Variants in LIMCH1 observed in about 807,000 individuals in gnomAD.
The protein encoded by LIMCH1 is LIM and calponin homology domains-containing protein 1.
LIMCH1 carries 113 observed loss-of-function variants against 176.5 expected under a neutral mutation model. The ratio of observed to expected loss-of-function variants is 0.64; its 90% CI spans 0.55 to 0.75. The LOEUF is 0.75. Ranked by LOEUF, LIMCH1 falls within the 30% of genes least tolerant of loss-of-function variation. The pLI, the probability that LIMCH1 is intolerant of heterozygous loss-of-function variation, is 0.00. For missense variants in LIMCH1, 1,674 were observed against 1,814.9 expected, an observed-to-expected ratio of 0.92 and a Z score of 1.41; for synonymous variants, 619 against 645.9, an observed-to-expected ratio of 0.96 and a Z score of 0.63.
In LIMCH1 at chr4:41,619,295, G is replaced by T; in HGVS notation, c.313G>T (p.Val105Leu). 3 of 1,614,238 alleles carry T rather than the reference G, an allele frequency of 1.9e-6. No individual in the cohort carries two copies. Among genetic ancestry groups the T allele is most frequent in the Non-Finnish European group, 2.5e-6 (3 of 1,180,046 alleles). ...TTCCCATGGTGAGCCGAAATCAGCA[G>T]TGCCTTTTAACCAGTACCTCCCGAA... ...RTSHGEPKSA[V>L]PFNQYLPNKS... The change falls in exon 6 of 32, where the codon GTG becomes TTG. Residue 105 changes from valine to leucine, a missense_variant. Val to Leu is a conservative substitution (Grantham distance 32). Transcript: ENST00000503057.
chr4:41,524,440 A>G (rs373720608), exon 3 of LIMCH1: 9 of 1,613,862 alleles, frequency 5.6e-6, no homozygotes, highest in Non-Finnish European at 5.1e-6. Context: ...AGGACTTGTT[A>G]AAAAGATCAA....
chr4:41,445,158 G>A (rs1195513787), intron 1 of LIMCH1, among the ~76,000 whole-genome samples: 4 of 151,020 alleles, frequency 2.6e-5, no homozygotes, highest in South Asian at 2.1e-4. Flanking sequence ...GGTGCACACC[G>A]CCACGCCTGG....
chr4:41,638,852 C>T (rs375981099), intron 13 of LIMCH1, 80 bp from the exon 14 acceptor site: 141 of 1,151,930 alleles, frequency 1.2e-4, no homozygotes, highest in African/African-American at 9.9e-4. Flanking sequence ...TGTATTTCAC[C>T]GGCAGTTTCT....
chr4:41,589,309 C>T (rs2087055489), intron 1 of LIMCH1, among the ~76,000 whole-genome samples: 1 of 152,082 alleles, frequency 6.6e-6, no homozygotes, highest in African/African-American at 2.4e-5. Flanking sequence ...GTGCAAAGGC[C>T]CTGGCAGGAG....
intron 1 of LIMCH1, among the ~76,000 whole-genome samples, chr4:41,582,998 A>G (rs1025236079): frequency 6.6e-6 from 1 of 152,212 alleles, no homozygotes; most frequent in Non-Finnish European, 1.5e-5. Context: ...GGACAGTTCA[A>G]TGGTGTTAAT....
chr4:41,625,253 A>G (rs2092869471), intron 7 of LIMCH1, among the ~76,000 whole-genome samples: 1 of 152,224 alleles, frequency 6.6e-6, no homozygotes, highest in Non-Finnish European at 1.5e-5. Flanking sequence ...AATGTACTAA[A>G]TGTACTAGCT....
intron 1 of LIMCH1, among the ~76,000 whole-genome samples, chr4:41,545,840 C>T (rs142824387): frequency 3.9e-5 from 6 of 152,252 alleles, no homozygotes; most frequent in Admixed American, 2.0e-4. Context: ...TCAAGAATAT[C>T]CATTTCGTTT....
At chr4:41,630,875 A>G (rs189441184) in intron 9 of LIMCH1, among the ~76,000 whole-genome samples, 3 of 152,346 alleles carry the variant, frequency 2.0e-5, no homozygotes, top group African/African-American at 7.2e-5. Context: ...TTATACGTGT[A>G]TACCTAATAC....
intron 1 of LIMCH1, among the ~76,000 whole-genome samples, chr4:41,441,052 G>T (rs961293624): frequency 2.0e-5 from 3 of 151,988 alleles, no homozygotes; most frequent in Non-Finnish European, 2.9e-5. Context: ...TCTTTCCCTT[G>T]GTATTGCATG....
Position 41,501,510 on chromosome 4 carries a change from C to T in LIMCH1, c.167+6904C>T, listed in dbSNP as rs181978204. On this transcript the variant is annotated intron_variant, in intron 2 of 26. Coordinates refer to the LIMCH1 transcript ENST00000313860. Reference sequence around the variant, plus strand: ...GCCTTGTAGAGATAAGTCATCTAGTCGCCACATCAAAAGGAGACAGAGGTA... The same window carrying T: ...GCCTTGTAGAGATAAGTCATCTAGTTGCCACATCAAAAGGAGACAGAGGTA... Among the ~76,000 whole-genome samples the T allele has an allele frequency of 3.4e-3, 514 of 152,228 alleles. 1 individual carries two copies. Among genetic ancestry groups the T allele is most frequent in the African/African-American group, 0.012 (494 of 41,524 alleles).
intron 1 of LIMCH1, among the ~76,000 whole-genome samples, chr4:41,551,619 C>T (rs958375932): frequency 6.6e-6 from 1 of 152,024 alleles, no homozygotes; most frequent in African/African-American, 2.4e-5. Context: ...TGTTCATGGC[C>T]TGTGGGATAA....
intron 5 of LIMCH1, among the ~76,000 whole-genome samples, chr4:41,618,054 A>G (rs796961535): frequency 3.9e-5 from 6 of 152,336 alleles, no homozygotes; most frequent in African/African-American, 1.4e-4. Context: ...ACTCAAAAGG[A>G]AGTGGCTCTG....
Position 41,578,798 on chromosome 4 carries a change from T to A in LIMCH1, c.-240-20122T>A, listed in dbSNP as rs534021439. On this transcript the variant is annotated intron_variant, in intron 1 of 31. Coordinates refer to ENST00000503057, the MANE Select transcript of LIMCH1 (RefSeq NM_001330672.2). The stretch of plus-strand genomic sequence containing the variant: ...AGTGAAATGAAGTCATAGCTCCCTG[T>A]AGCCTTGAACTATTGGGCTCAAGTG... Among the ~76,000 whole-genome samples the A allele has an allele frequency of 2.0e-3, 306 of 152,168 alleles. 1 individual carries two copies. The highest frequency in any genetic ancestry group is 7.0e-3 in the African/African-American group (291 of 41,518).
chr4:41,535,970 G>C (rs2077892683), upstream of LIMCH1, among the ~76,000 whole-genome samples: 1 of 151,668 alleles, frequency 6.6e-6, no homozygotes, highest in Admixed American at 6.6e-5. Context: ...ATCTTTCGTT[G>C]AACAGCGTTT....
chr4:41,525,184 G>C (rs2076503889), intron 3 of LIMCH1, among the ~76,000 whole-genome samples: 1 of 152,194 alleles, frequency 6.6e-6, no homozygotes, highest in Non-Finnish European at 1.5e-5. Flanking sequence ...AGAAGATGAG[G>C]AAGACAATCA....
intron 1 of LIMCH1, among the ~76,000 whole-genome samples, chr4:41,466,557 C>T (rs2066145285): frequency 6.6e-6 from 1 of 152,180 alleles, no homozygotes; most frequent in Non-Finnish European, 1.5e-5. Context: ...GGTTCCTCAG[C>T]CTCAGCTGAG....
intron 1 of LIMCH1, among the ~76,000 whole-genome samples, chr4:41,417,541 G>A (rs901138223): frequency 6.6e-6 from 1 of 152,164 alleles, no homozygotes; most frequent in Non-Finnish European, 1.5e-5. Flanking sequence ...TTTCTACAGG[G>A]AGTCAGTGTT....
chr4:41,440,200 T>C (rs1582201914), intron 1 of LIMCH1, among the ~76,000 whole-genome samples: 1 of 152,366 alleles, frequency 6.6e-6, no homozygotes, highest in Admixed American at 6.5e-5. Flanking sequence ...TACTGTTTAA[T>C]GCTTAGTTAT....
chr4:41,437,652 A>G (rs1057500999), intron 1 of LIMCH1, among the ~76,000 whole-genome samples: 1 of 151,432 alleles, frequency 6.6e-6, no homozygotes, highest in Non-Finnish European at 1.5e-5. Context: ...TAATGAGAAA[A>G]GGTTTTTGTT....
Sources: gnomAD v4.1 joint callset for allele counts (sites outside exome capture counted in the v4.1 genomes callset) on GRCh38, gnomAD v4.1.1 for gene constraint, MANE v1.5 for transcripts, NCBI Gene and HGNC (gene_info 2026-07-23, HGNC 2026-07-21) for gene names.